The following ATRNL1 variants were observed in gnomAD, a reference collection of about 807,000 sequenced individuals.
ATRNL1 encodes attractin-like protein 1.
ATRNL1 carries 95 observed loss-of-function variants against 182.7 expected under a neutral mutation model. The observed-to-expected ratio is 0.52, with a 90% CI of 0.44 to 0.62. ATRNL1 has a LOEUF of 0.62. Ranked by LOEUF, ATRNL1 falls within the 20% of genes least tolerant of loss-of-function variation. The pLI, the probability that ATRNL1 is intolerant of heterozygous loss-of-function variation, is 0.00. For missense variants in ATRNL1, 1,471 were observed against 1,679.5 expected (o/e 0.88, Z 2.17); for synonymous variants, 576 against 568.3 (o/e 1.01, Z -0.19).
At chr10:115,201,103 T>G (rs1848559845) in intron 8 of ATRNL1, among the ~76,000 whole-genome samples, 1 of 151,014 alleles carries the variant, frequency 6.6e-6, no homozygotes, top group East Asian at 1.9e-4. Context: ...TAAATTTGTT[T>G]GAGTTCATTG....
intron 10 of ATRNL1, among the ~76,000 whole-genome samples, chr10:115,255,855 T>G (rs1417241632): frequency 6.6e-6 from 1 of 152,252 alleles, no homozygotes; most frequent in Non-Finnish European, 1.5e-5. Flanking sequence ...GAAGGGCTGT[T>G]GAATTTTGTC....
chr10:115,894,646 A>G (rs1555112053), intron 28 of ATRNL1, among the ~76,000 whole-genome samples: 2 of 152,194 alleles, frequency 1.3e-5, no homozygotes, highest in African/African-American at 4.8e-5. Context: ...TTTTATCATA[A>G]TTGTTTAAGT....
intron 13 of ATRNL1, among the ~76,000 whole-genome samples, chr10:115,270,447 A>ATG (rs1851811515): frequency 6.9e-6 from 1 of 145,906 alleles, no homozygotes; most frequent in Non-Finnish European, 1.5e-5. Context: ...TCTATAATAT[A>ATG]TGTGTATATA....
At chr10:115,572,807 T>C (rs542635318) in intron 26 of ATRNL1, among the ~76,000 whole-genome samples, 1 of 152,294 alleles carries the variant, frequency 6.6e-6, no homozygotes, top group Non-Finnish European at 1.5e-5. Flanking sequence ...GTTTTTGAAA[T>C]GGGAGAGTTC....
intron 26 of ATRNL1, among the ~76,000 whole-genome samples, chr10:115,645,278 A>AT (rs35379145): frequency 0.28 from 41,835 of 150,700 alleles, 6,760 homozygotes; most frequent in East Asian, 0.58. Flanking sequence ...CCCATAACTC[A>AT]TTTTTTTTAA....
chr10:115,781,224 A>G (rs185244188), intron 27 of ATRNL1, among the ~76,000 whole-genome samples: 2 of 152,360 alleles, frequency 1.3e-5, no homozygotes, highest in South Asian at 2.1e-4. Flanking sequence ...AAAGATGTGA[A>G]GCACCCATAA....
chr10:115,227,711 A>G (rs1849755716), intron 9 of ATRNL1, among the ~76,000 whole-genome samples: 1 of 152,230 alleles, frequency 6.6e-6, no homozygotes, highest in African/African-American at 2.4e-5. Context: ...TGTGGTACAT[A>G]CATACCACGG....
intron 3 of ATRNL1, among the ~76,000 whole-genome samples, chr10:115,122,157 GT>G (rs1291089637): frequency 1.3e-5 from 2 of 151,460 alleles, no homozygotes. Flanking sequence ...GACAAGTTTT[GT>G]TTTTTAATAG....
At chr10:115,901,744 A>G (rs1418529663) in intron 28 of ATRNL1, among the ~76,000 whole-genome samples, 3 of 99,592 alleles carry the variant, frequency 3.0e-5, no homozygotes, top group South Asian at 2.4e-4. Context: ...AACTGAGAAG[A>G]AAAAAAAAAA....
chr10:115,634,691 A>C (rs1473327388), intron 26 of ATRNL1, among the ~76,000 whole-genome samples: 3 of 152,168 alleles, frequency 2.0e-5, no homozygotes, highest in Non-Finnish European at 4.4e-5. Context: ...AAATATTTAA[A>C]ATATTTATAT....
At chr10:115,677,360 G>T (rs1046400772) in intron 26 of ATRNL1, among the ~76,000 whole-genome samples, 2 of 152,060 alleles carry the variant, frequency 1.3e-5, no homozygotes, top group African/African-American at 4.8e-5. Flanking sequence ...GTTACTGCAT[G>T]AGAGCCACCA....
chr10:115,729,495 T>TTG (rs139166434), intron 27 of ATRNL1, among the ~76,000 whole-genome samples: 5,500 of 142,100 alleles, frequency 0.039, 342 homozygotes, highest in African/African-American at 0.13. Flanking sequence ...CTACCCCATT[T>TTG]TGTGTGTGTG....
chr10:115,207,112 G>T (rs77453734), intron 8 of ATRNL1, among the ~76,000 whole-genome samples: 1 of 151,952 alleles, frequency 6.6e-6, no homozygotes, highest in African/African-American at 2.4e-5. Flanking sequence ...GGTTTGTTCC[G>T]AGTCTTTGCT....
intron 24 of ATRNL1, among the ~76,000 whole-genome samples, chr10:115,515,203 C>A (rs1409477690): frequency 6.6e-6 from 1 of 151,714 alleles, no homozygotes; most frequent in Non-Finnish European, 1.5e-5. Context: ...TTTTTCCTGC[C>A]TCATAGACAC....
intron 26 of ATRNL1, among the ~76,000 whole-genome samples, chr10:115,636,965 T>C (rs1318012967): frequency 2.6e-5 from 4 of 152,126 alleles, no homozygotes; most frequent in East Asian, 1.9e-4. Flanking sequence ...TCAGGAGTTA[T>C]AGGAACTGAA....
At chr10:115,256,636 T>C (rs1247668948) in intron 10 of ATRNL1, among the ~76,000 whole-genome samples, 1 of 152,202 alleles carries the variant, frequency 6.6e-6, no homozygotes, top group Non-Finnish European at 1.5e-5. Context: ...CTCTGTCTCT[T>C]TCACTTCTGC....
chr10:115,182,006 T>C (rs1276137636), intron 8 of ATRNL1, among the ~76,000 whole-genome samples: 8 of 151,694 alleles, frequency 5.3e-5, no homozygotes, highest in Admixed American at 3.9e-4. Flanking sequence ...AATCTCAGAC[T>C]ATGGATCTTC....
intron 26 of ATRNL1, among the ~76,000 whole-genome samples, chr10:115,724,023 G>A (rs1555058994): frequency 6.7e-6 from 1 of 150,046 alleles, no homozygotes; most frequent in African/African-American, 2.4e-5. Flanking sequence ...TGATCAATTT[G>A]TTCTTTTGGC....
At chr10:115,514,955 G>A (rs1850564591) in intron 24 of ATRNL1, among the ~76,000 whole-genome samples, 1 of 151,446 alleles carries the variant, frequency 6.6e-6, no homozygotes, top group Admixed American at 6.6e-5. Flanking sequence ...TTCACTTTTA[G>A]CAGTTTCTCC....
Sources: gnomAD v4.1 joint callset for allele counts (sites outside exome capture counted in the v4.1 genomes callset) on GRCh38, gnomAD v4.1.1 for gene constraint, MANE v1.5 for transcripts, NCBI Gene and HGNC (gene_info 2026-07-23, HGNC 2026-07-21) for gene names.